Variants in PPP1R12B observed in about 807,000 individuals in gnomAD.
PPP1R12B encodes protein phosphatase 1 regulatory subunit 12B, also known as myosin phosphatase target subunit 2.
PPP1R12B carries 76 observed loss-of-function variants against 126.1 expected under a neutral mutation model. The ratio of observed to expected loss-of-function variants is 0.60; its 90% CI spans 0.50 to 0.73. The LOEUF is 0.73. PPP1R12B is among the 30% of genes least tolerant of loss of function. The pLI is 0.00. For synonymous variants in PPP1R12B, 356 were observed against 434.7 expected, an observed-to-expected ratio of 0.82 and a Z score of 2.25; for missense variants, 1,052 against 1,205.1, an observed-to-expected ratio of 0.87 and a Z score of 1.88.
intron 20 of PPP1R12B, among the ~76,000 whole-genome samples, chr1:202,563,873 G>C (rs1687785745): frequency 6.6e-6 from 1 of 152,070 alleles, no homozygotes; most frequent in Non-Finnish European, 1.5e-5. Context: ...TTCCAGACCA[G>C]CCTGGGCAAT....
intron 18 of PPP1R12B, among the ~76,000 whole-genome samples, chr1:202,500,740 CAT>C (rs1680136960): frequency 6.6e-6 from 1 of 152,292 alleles, no homozygotes; most frequent in Admixed American, 6.5e-5. Flanking sequence ...ATGTTCCTAA[CAT>C]AAATTATTTT....
intron 1 of PPP1R12B, among the ~76,000 whole-genome samples, chr1:202,396,349 T>A (rs555614527): frequency 2.0e-5 from 3 of 152,308 alleles, no homozygotes; most frequent in African/African-American, 7.2e-5. Context: ...ATGATGATGA[T>A]GATAATAATA....
At chr1:202,464,760 C>T (rs1199281652) in intron 13 of PPP1R12B, among the ~76,000 whole-genome samples, 1 of 152,158 alleles carries the variant, frequency 6.6e-6, no homozygotes, top group Non-Finnish European at 1.5e-5. Context: ...TCATCAGTGA[C>T]TGCCTTAGTT....
intron 13 of PPP1R12B, among the ~76,000 whole-genome samples, chr1:202,450,368 C>A (rs1253055404): frequency 6.6e-6 from 1 of 152,062 alleles, no homozygotes; most frequent in Non-Finnish European, 1.5e-5. Flanking sequence ...TTTTTGATTG[C>A]CAGCATTAAG....
At chr1:202,555,452 A>G (rs1270554796) in intron 18 of PPP1R12B, among the ~76,000 whole-genome samples, 1 of 150,116 alleles carries the variant, frequency 6.7e-6, no homozygotes. Flanking sequence ...GGATATTTAC[A>G]AAGAAGAAAC....
intron 18 of PPP1R12B, among the ~76,000 whole-genome samples, chr1:202,513,133 T>C (rs1681729264): frequency 1.3e-5 from 2 of 152,296 alleles, no homozygotes; most frequent in South Asian, 4.1e-4. Context: ...GCCACCATCC[T>C]TGGCTAAATT....
intron 13 of PPP1R12B, among the ~76,000 whole-genome samples, chr1:202,483,609 G>C (rs1443635034): frequency 6.6e-6 from 1 of 152,010 alleles, no homozygotes; most frequent in Non-Finnish European, 1.5e-5. Context: ...GAGGCAAGAG[G>C]GTGAAGAGAA....
At chr1:202,434,502 A>C (rs1035724740) in intron 8 of PPP1R12B, among the ~76,000 whole-genome samples, 154 bp from the exon 9 acceptor site, 3 of 152,220 alleles carry the variant, frequency 2.0e-5, no homozygotes, top group African/African-American at 7.2e-5. Context: ...CAGTTGCAAG[A>C]GTTTACAAGT....
chr1:202,575,402 C>A lies in PPP1R12B; in HGVS notation c.2863-5072C>A, dbSNP rs1260429899. 3.3e-5 allele frequency: 14 copies of A among 421,406 alleles called. No homozygotes were observed. In the Admixed American group the frequency reaches 5.2e-4, roughly 16 times the overall value. 26.1% of individuals were successfully genotyped at this position (421,406 alleles called of 1,614,324 possible). On this transcript the variant is annotated intron_variant, in intron 23 of 23. Transcript: ENST00000608999. ...TTTGGTAAGGTCACCACATTAGCTT[C>A]TCTTCCCCTGGAGACTGAGTATGAA... is the stretch of plus-strand genomic sequence containing the variant.
chr1:202,438,331 G>T, intron 10 of PPP1R12B: 1 of 1,233,250 alleles, frequency 8.1e-7, no homozygotes, highest in Non-Finnish European at 1.1e-6. Flanking sequence ...GTATGGCGGA[G>T]GGGGGCACAG....
At chr1:202,492,041 C>G (rs546742200) in intron 14 of PPP1R12B, among the ~76,000 whole-genome samples, 8 of 152,274 alleles carry the variant, frequency 5.3e-5, no homozygotes, top group African/African-American at 1.9e-4. Context: ...TCCGTGGCCT[C>G]TCTTGTTTCT....
intron 1 of PPP1R12B, among the ~76,000 whole-genome samples, chr1:202,411,797 T>A (rs1474361770): frequency 2.0e-5 from 3 of 152,178 alleles, no homozygotes; most frequent in Non-Finnish European, 4.4e-5. Flanking sequence ...TCAGCAGAGC[T>A]GGTTTGCAAG....
rs554870915 is a variant in PPP1R12B, at chr1:202,412,289, G to GT, written c.292-4492dup. Among the ~76,000 whole-genome samples, 3 of 152,222 alleles carry GT rather than the reference G, an allele frequency of 2.0e-5. No individual in the cohort carries two copies. In the South Asian group the frequency reaches 6.2e-4, roughly 32 times the overall value. On this transcript the variant is annotated intron_variant, in intron 1 of 23. Transcript: ENST00000608999. The stretch of plus-strand genomic sequence containing the variant: ...CAGAGCAAGACCCTGTCTCAAAAAT[G>GT]TTTTTTATATCAAGGATTTGGGATT...
At chr1:202,389,695 CAAGGCGG>C (rs1663796180) in intron 1 of PPP1R12B, among the ~76,000 whole-genome samples, 1 of 151,632 alleles carries the variant, frequency 6.6e-6, no homozygotes, top group African/African-American at 2.4e-5. Flanking sequence ...TTTGGGAGGC[CAAGGCGG>C]GAAATCACGA....
intron 1 of PPP1R12B, among the ~76,000 whole-genome samples, chr1:202,375,142 C>T (rs746005648): frequency 3.3e-5 from 5 of 151,954 alleles, no homozygotes; most frequent in Non-Finnish European, 7.4e-5. Flanking sequence ...TGGGCTTTCA[C>T]CATGTTGGTC....
intron 1 of PPP1R12B, among the ~76,000 whole-genome samples, chr1:202,371,325 T>A (rs1397332435): frequency 6.6e-6 from 1 of 151,848 alleles, no homozygotes; most frequent in East Asian, 1.9e-4. Flanking sequence ...CCAGCCTACA[T>A]CTTTGTTGAT....
At chr1:202,373,956 G>T (rs1318713861) in intron 1 of PPP1R12B, among the ~76,000 whole-genome samples, 5 of 151,924 alleles carry the variant, frequency 3.3e-5, no homozygotes, top group Non-Finnish European at 5.9e-5. Context: ...GGTCAAGAAG[G>T]TATATTAATT....
Position 202,590,041 on chromosome 1 carries a change from C to A in PPP1R12B, c.*9481C>A. The A allele has an allele frequency of 6.6e-6, 1 of 152,288 alleles. No individual in the cohort carries two copies. The highest frequency in any genetic ancestry group is 1.5e-5 in the Non-Finnish European group (1 of 68,020). 9.4% of individuals were successfully genotyped at this position (152,288 alleles called of 1,614,324 possible). A position where few individuals can be genotyped will look rare whatever the true frequency, so the allele number is the denominator to read the frequency against. ...TTGGGGGCAATGCTGTCCCACTCTC[C>A]CTTTCCCTAAAAATTCTGACGCCCT... On this transcript the variant is annotated 3_prime_UTR_variant, in exon 24 of 24. Transcript: ENST00000608999.
intron 12 of PPP1R12B, among the ~76,000 whole-genome samples, chr1:202,446,236 C>CTCTCTATATATA (rs1491246158): frequency 1.6e-4 from 14 of 88,036 alleles, no homozygotes; most frequent in Admixed American, 3.9e-4. Flanking sequence ...CTCTCTCTCT[C>CTCTCTATATATA]TATATATATA....
Sources: gnomAD v4.1 joint callset for allele counts (sites outside exome capture counted in the v4.1 genomes callset) on GRCh38, gnomAD v4.1.1 for gene constraint, MANE v1.5 for transcripts, NCBI Gene and HGNC (gene_info 2026-07-23, HGNC 2026-07-21) for gene names.